ATP7B: variants seen among roughly 807,000 people sequenced by gnomAD.
ATP7B encodes the protein copper-transporting ATPase 2.
A neutral mutation model predicts 118.9 loss-of-function variants in ATP7B; 113 were observed. The observed-to-expected ratio is 0.95, with a 90% CI of 0.82 to 1.11. The LOEUF (loss-of-function observed/expected upper bound fraction) is 1.11. Ranked by LOEUF, ATP7B falls within the 50% of genes most tolerant of loss-of-function variation. The pLI, the probability that ATP7B is intolerant of heterozygous loss-of-function variation, is 0.00. For missense variants in ATP7B, 1,867 were observed against 1,871.4 expected (o/e 1.00, Z 0.04); for synonymous variants, 777 against 727.4 (o/e 1.07, Z -1.10).
intron 19 of ATP7B, among the ~76,000 whole-genome samples, 191 bp from the exon 20 acceptor site, chr13:51,935,886 G>C (rs947155356): frequency 1.3e-5 from 2 of 152,248 alleles, no homozygotes; most frequent in African/African-American, 4.8e-5. Flanking sequence ...GCTGGGTGTG[G>C]GATGCTGTTG....
Position 51,966,999 on chromosome 13 carries a change from C to G in ATP7B, c.1707+1445G>C, listed in dbSNP as rs890120477. The G allele has an allele frequency of 4.3e-6, 7 of 1,613,132 alleles. No homozygotes were observed. The African/African-American group carries it at 9.3e-5, about 22-fold the overall frequency. On this transcript the variant is annotated intron_variant, in intron 4 of 20. Transcript: ENST00000242839. Reference sequence around the variant, plus strand: ...CTGATGGCAGAAAAACACAGACTGTCTGCAACTTTACAGATGGTGCATTGG... The same window carrying G: ...CTGATGGCAGAAAAACACAGACTGTGTGCAACTTTACAGATGGTGCATTGG...
intron 2 of ATP7B, among the ~76,000 whole-genome samples, chr13:51,973,476 T>C (rs1951939753): frequency 6.6e-6 from 1 of 152,176 alleles, no homozygotes; most frequent in South Asian, 2.1e-4. Context: ...TAATGGGTTA[T>C]CACAGGTGTG....
intron 1 of ATP7B, among the ~76,000 whole-genome samples, chr13:51,978,279 A>C (rs941283011): frequency 2.0e-5 from 3 of 152,220 alleles, no homozygotes; most frequent in Admixed American, 6.5e-5. Context: ...TCCTCCAAAA[A>C]AGAAAAAGGC....
chr13:51,984,276 T>G (rs1018904771), intron 1 of ATP7B, among the ~76,000 whole-genome samples: 1 of 151,854 alleles, frequency 6.6e-6, no homozygotes, highest in Admixed American at 6.6e-5. Flanking sequence ...CATACACAAG[T>G]ATCAATAGCC....
chr13:51,937,627 T>A lies in ATP7B; in HGVS notation c.3752A>T (p.Lys1251Met). 1.2e-6 allele frequency: 2 copies of A among 1,614,280 alleles called. No homozygotes were observed. Among genetic ancestry groups the A allele is most frequent in the Non-Finnish European group, 1.7e-6 (2 of 1,180,054 alleles). The part of the protein sequence containing the change: ...AEVLPSHKVA[K>M]VQELQNKGKK... Reference sequence around the variant, plus strand: ...CCCTTTATTCTGGAGCTCCTGGACCTTGGCCACCTTGTGCGAAGGCAGCAC... The same window carrying A: ...CCCTTTATTCTGGAGCTCCTGGACCATGGCCACCTTGTGCGAAGGCAGCAC... The change falls in exon 18 of 21, where the codon AAG becomes ATG. Residue 1251 changes from lysine (K) to methionine (M), a missense_variant. Coordinates refer to ENST00000242839, the MANE Select transcript of ATP7B (RefSeq NM_000053.4).
intron 1 of ATP7B, among the ~76,000 whole-genome samples, chr13:51,984,871 G>C (rs1043001684): frequency 6.6e-6 from 1 of 152,218 alleles, no homozygotes; most frequent in African/African-American, 2.4e-5. Flanking sequence ...AATGCTGAGA[G>C]ATTTTGTCAC....
intron 4 of ATP7B, chr13:51,967,092 G>A: frequency 6.3e-7 from 1 of 1,596,418 alleles, no homozygotes; most frequent in East Asian, 2.2e-5. Flanking sequence ...GGAAATTAGT[G>A]GTGGAGTGTG....
chr13:51,962,827 C>CA (rs1958837729), intron 5 of ATP7B, among the ~76,000 whole-genome samples: 3 of 152,132 alleles, frequency 2.0e-5, no homozygotes, highest in Non-Finnish European at 2.9e-5. Context: ...CACAGTGGCT[C>CA]ACACCTGTAA....
chr13:51,972,823 C>T (rs550267811), intron 2 of ATP7B, among the ~76,000 whole-genome samples: 1 of 152,174 alleles, frequency 6.6e-6, no homozygotes, highest in African/African-American at 2.4e-5. Context: ...AACACAGCAA[C>T]ACTCCGTCTC....
chr13:51,953,796 T>C (rs749732981), intron 9 of ATP7B, among the ~76,000 whole-genome samples: 20 of 144,278 alleles, frequency 1.4e-4, no homozygotes, highest in Non-Finnish European at 3.0e-4. Flanking sequence ...AAAAAACTTA[T>C]AGCATTATGG....
rs191312027 is a variant in ATP7B at position 51,950,132 on chromosome 13, C to T, written c.2605G>A (p.Gly869Arg). 2,082 of 1,614,172 alleles carry T rather than the reference C, an allele frequency of 1.3e-3. 3 individuals are homozygous for T. The highest frequency in any genetic ancestry group is 1.6e-3 in the Non-Finnish European group (1,882 of 1,180,032). ...GEAMPVTKKP[G>R]STVIAGSINA... Reference sequence around the variant, plus strand: ...ATAGACCCCGCAATTACAGTGCTTCCGGGTTTCTTAGTGACTGGCATGGCT... The same window carrying T: ...ATAGACCCCGCAATTACAGTGCTTCTGGGTTTCTTAGTGACTGGCATGGCT... Residue 869 changes from glycine to arginine, a missense_variant, in exon 11 of 21, where the codon GGA (glycine) becomes AGA (arginine). Coordinates refer to ENST00000242839, the MANE Select transcript of ATP7B (RefSeq NM_000053.4).
chr13:51,939,287 G>A (rs1038864618), intron 16 of ATP7B, 94 bp from the exon 17 acceptor site: 9 of 1,563,118 alleles, frequency 5.8e-6, no homozygotes, highest in African/African-American at 5.4e-5. Flanking sequence ...ATAATATTAT[G>A]TGCAAAAAAC....
At position 51,974,824 on chromosome 13, in the gene ATP7B, G is replaced by A. The variant is rs377081763; in HGVS notation, c.396C>T (p.Ser132=). Residue 132 remains serine (S), a synonymous_variant, in exon 2 of 21, where the codon TCC becomes TCT. Coordinates refer to ENST00000242839, the MANE Select transcript of ATP7B (RefSeq NM_000053.4). ...EASIAEGKAA[S]WPSRSLPAQE... The stretch of plus-strand genomic sequence containing the variant: ...GGGCAGGCAAGGACCTTGAGGGCCA[G>A]GAGGCTGCCTTTCCTTCTGCAATGC... 9.3e-6 allele frequency: 15 copies of A among 1,614,094 alleles called. No homozygotes were observed. The highest frequency in any genetic ancestry group is 1.2e-5 in the Non-Finnish European group (14 of 1,180,052).
chr13:51,972,056 C>T (rs1022014461), intron 2 of ATP7B, among the ~76,000 whole-genome samples: 7 of 152,232 alleles, frequency 4.6e-5, no homozygotes, highest in East Asian at 3.9e-4. Flanking sequence ...GGGACCTAAT[C>T]GGTTACAACA....
chr13:51,944,397 A>G, intron 13 of ATP7B, 106 bp from the exon 14 acceptor site: 1 of 1,362,460 alleles, frequency 7.3e-7, no homozygotes, highest in Non-Finnish European at 1.0e-6. Context: ...ACAGGAAACA[A>G]GACACCTGCA....
Position 51,963,019 on chromosome 13 carries a change from G to A in ATP7B, c.1870-1106C>T, listed in dbSNP as rs550808096. Among the ~76,000 whole-genome samples the A allele has an allele frequency of 3.0e-4, 46 of 152,018 alleles. No homozygotes were observed. The South Asian group carries it at 9.6e-3, about 32-fold the overall frequency. Reference sequence around the variant, plus strand: ...AGGCAGGAGAATTGCTTGAACCCGGGAGGCAGAGCTTGCAGTGAGCTGAGA... The same window carrying A: ...AGGCAGGAGAATTGCTTGAACCCGGAAGGCAGAGCTTGCAGTGAGCTGAGA... On this transcript the variant is annotated intron_variant, in intron 5 of 20. Transcript: ENST00000242839.
chr13:51,976,255 A>G (rs915603556), intron 1 of ATP7B, among the ~76,000 whole-genome samples: 22 of 152,352 alleles, frequency 1.4e-4, no homozygotes, highest in South Asian at 8.3e-4. Context: ...TTGTCTTCAG[A>G]TGAATCTCCT....
rs1958643552 is a variant in ATP7B, at chr13:51,960,272, G to A, written c.1997C>T (p.Ala666Val). 1.2e-6 allele frequency: 2 copies of A among 1,613,920 alleles called. No individual in the cohort carries two copies. The highest frequency in any genetic ancestry group is 2.2e-5 in the South Asian group (2 of 91,072). The change falls in exon 7 of 21, where the codon GCC becomes GTC. Residue 666 changes from alanine (A) to valine (V), a missense_variant. Ala to Val is a moderately conservative substitution (Grantham distance 64). Coordinates refer to ENST00000242839, the MANE Select transcript of ATP7B (RefSeq NM_000053.4). ...CSLVFGIPVM[A>V]LMIYMLIPSN... ...GGGTATCAGCATATAGATCATTAAG[G>A]CCATGACAGGGATGCCAAACACCAG...
At chr13:51,966,915 C>A (rs775779823) in intron 4 of ATP7B, 286 of 1,612,832 alleles carry the variant, frequency 1.8e-4, no homozygotes, top group Non-Finnish European at 2.3e-4. Context: ...AAACCGAGAG[C>A]ACTTTGAAAA....
Sources: gnomAD v4.1 joint callset for allele counts (sites outside exome capture counted in the v4.1 genomes callset) on GRCh38, gnomAD v4.1.1 for gene constraint, MANE v1.5 for transcripts, NCBI Gene and HGNC (gene_info 2026-07-23, HGNC 2026-07-21) for gene names.